ZNF814: variants seen among roughly 807,000 people sequenced by gnomAD.
ZNF814 encodes the protein zinc finger protein 814.
Under a neutral mutation model 7.5 loss-of-function variants are expected in ZNF814, and 5 were observed. The observed-to-expected ratio is 0.67, with a 90% CI of 0.35 to 1.40. ZNF814 has a LOEUF of 1.40. Among genes scored for constraint, ZNF814 ranks in the 40% most tolerant of loss-of-function variants. The pLI is 0.04. For synonymous variants in ZNF814, 315 were observed against 340.7 expected (o/e 0.92, Z 0.83); for missense variants, 962 against 1,018.0 (o/e 0.94, Z 0.75).
At chr19:57,883,807 G>C (rs893371301) in intron 1 of ZNF814, among the ~76,000 whole-genome samples, 1 of 151,776 alleles carries the variant, frequency 6.6e-6, no homozygotes, top group African/African-American at 2.4e-5. Flanking sequence ...GCCCAGGCTG[G>C]AGCGCAATGG....
the ZNF814 span, among the ~76,000 whole-genome samples, chr19:57,903,237 C>CT: frequency 6.6e-6 from 1 of 152,206 alleles, no homozygotes; most frequent in Non-Finnish European, 1.5e-5. Context: ...ATTGGCCTCA[C>CT]TGCAGTTACC....
Position 57,874,764 on chromosome 19 carries a change from C to A in ZNF814, c.626G>T (p.Cys209Phe). ...SKTECVSPIQ[C>F]GGAHYSCGES... is the part of the protein sequence containing the mutation. ...TCCACAGCTGTAGTGAGCTCCCCCA[C>A]ACTGAATGGGAGACACACACTCAGT... Residue 209 changes from cysteine to phenylalanine, a missense_variant, in exon 3 of 3, where the codon TGT becomes TTT. Cys to Phe is a radical substitution (Grantham distance 205). Transcript: ENST00000435989. 5 of 1,613,902 alleles carry A rather than the reference C, an allele frequency of 3.1e-6. No homozygotes were observed. The highest frequency in any genetic ancestry group is 4.2e-6 in the Non-Finnish European group (5 of 1,179,900).
chr19:57,888,905 G>A lies in ZNF814; in HGVS notation c.-103C>T. 2 of 1,315,402 alleles carry A rather than the reference G, an allele frequency of 1.5e-6. No homozygotes were observed. The highest frequency in any genetic ancestry group is 1.1e-6 in the Non-Finnish European group (1 of 939,844). 81.5% of individuals were successfully genotyped at this position (1,315,402 alleles called of 1,614,324 possible). A position where few individuals can be genotyped will look rare whatever the true frequency, so the allele number is the denominator to read the frequency against. ...GGCCCAGGAGTGGGTCACGCTGGGC[G>A]CCGTCACAGAGCTCCAGAGTAGCCT... is the stretch of plus-strand genomic sequence containing the variant. On this transcript the variant is annotated 5_prime_UTR_variant, in exon 1 of 3. Transcript: ENST00000435989.
chr19:57,895,603 CTT>C, the ZNF814 span, among the ~76,000 whole-genome samples: 1 of 152,042 alleles, frequency 6.6e-6, no homozygotes, highest in Non-Finnish European at 1.5e-5. Context: ...TGAGAGGAAA[CTT>C]TAACCCTCTC....
rs2071549211 is a variant in ZNF814 at position 57,870,572 on chromosome 19, T to G, written c.*2250A>C. 6.6e-6 allele frequency: 1 copy of G among 152,220 alleles called. No individual in the cohort carries two copies. The highest frequency in any genetic ancestry group is 1.5e-5 in the Non-Finnish European group (1 of 68,044). 9.4% of individuals were successfully genotyped at this position (152,220 alleles called of 1,614,324 possible). ...GGAATTCACAAAACCTTTAGATTAT[T>G]TCCTCTGACAATGGCCTCAACAATA... On this transcript the variant is annotated 3_prime_UTR_variant, in exon 3 of 3. Transcript: ENST00000435989.
At chr19:57,895,398 C>T in the ZNF814 span, among the ~76,000 whole-genome samples, 1 of 151,742 alleles carries the variant, frequency 6.6e-6, no homozygotes, top group African/African-American at 2.4e-5. Context: ...GCCTCAGCCT[C>T]CCTAGTAGCT....
At chr19:57,895,528 G>A in the ZNF814 span, among the ~76,000 whole-genome samples, 1 of 151,784 alleles carries the variant, frequency 6.6e-6, no homozygotes, top group East Asian at 1.9e-4. Context: ...CGCCCGCCTC[G>A]GCCTCCCAAA....
At chr19:57,903,674 A>G in the ZNF814 span, among the ~76,000 whole-genome samples, 4 of 152,318 alleles carry the variant, frequency 2.6e-5, no homozygotes, top group African/African-American at 7.2e-5. Flanking sequence ...GTCTGCAATC[A>G]ATTCTCTTAA....
chr19:57,896,306 G>C, the ZNF814 span, among the ~76,000 whole-genome samples: 1 of 152,180 alleles, frequency 6.6e-6, no homozygotes, highest in Non-Finnish European at 1.5e-5. This position sits in a 1 kb window ranked among gnomAD's most constrained non-coding sequence, Gnocchi z 4.2. Context: ...AACAGATCAC[G>C]AGACAGATTC....
Position 57,873,804 on chromosome 19 carries a change from A to T in ZNF814, c.1586T>A (p.Phe529Tyr), listed in dbSNP as rs1016826166. Residue 529 changes from phenylalanine (F) to tyrosine (Y), a missense_variant, in exon 3 of 3, where the codon TTT (phenylalanine) becomes TAT (tyrosine). Coordinates refer to ENST00000435989, the MANE Select transcript of ZNF814 (RefSeq NM_001144989.2). ...GTTCCTAAGATGTCCTTTTGAACTA[A>T]ATGATTTCCCACATTCTCCACACTC... Reference protein sequence around the residue: ...PYECGECGKSFSSKGHLRNHQ... With the variant: ...PYECGECGKSYSSKGHLRNHQ... The T allele has an allele frequency of 6.2e-7, 1 of 1,613,938 alleles. No individual in the cohort carries two copies. The highest frequency in any genetic ancestry group is 8.5e-7 in the Non-Finnish European group (1 of 1,180,000).
chr19:57,870,181 AGT>A lies in ZNF814; in HGVS notation c.*2639_*2640del, dbSNP rs978425326. 6.6e-6 allele frequency: 1 copy of A among 152,178 alleles called. No homozygotes were observed. Among genetic ancestry groups the A allele is most frequent in the African/African-American group, 2.4e-5 (1 of 41,430 alleles). The allele number at this position is 152,178 out of a possible 1,614,324, so 9.4% of individuals were successfully genotyped here. A position where few individuals can be genotyped will look rare whatever the true frequency, so the allele number is the denominator to read the frequency against. On this transcript the variant is annotated 3_prime_UTR_variant, in exon 3 of 3. Transcript: ENST00000435989. Reference sequence around the variant, plus strand: ...TGTGAACCCAGGAGGCAGAGCTTGCAGTGAGCCGAGATCGTGCCACTGCACTC... The same window carrying A: ...TGTGAACCCAGGAGGCAGAGCTTGCAGAGCCGAGATCGTGCCACTGCACTC...
chr19:57,876,893 CAG>C, intron 2 of ZNF814, 21 bp downstream of exon 2: 1 of 1,613,716 alleles, frequency 6.2e-7, no homozygotes. Flanking sequence ...GCTCAGGTCA[CAG>C]GGTGAGTGTG....
rs1164391669 is a variant in ZNF814 at position 57,873,984 on chromosome 19, C to T, written c.1406G>A (p.Cys469Tyr). The T allele has an allele frequency of 1.2e-6, 2 of 1,614,114 alleles. No individual in the cohort carries two copies. The highest frequency in any genetic ancestry group is 1.1e-5 in the South Asian group (1 of 91,074). ...GCGCTTATGACTGAAAGATTTCACACATTCTCCACACTTGAAAGGTCTTTC... is the reference window on the plus strand; with the variant it reads ...GCGCTTATGACTGAAAGATTTCACATATTCTCCACACTTGAAAGGTCTTTC... Reference protein sequence around the residue: ...AGERPFKCGECVKSFSHKRSL... With the variant: ...AGERPFKCGEYVKSFSHKRSL... Residue 469 changes from cysteine (C) to tyrosine (Y), a missense_variant, in exon 3 of 3, where the codon TGT (cysteine) becomes TAT (tyrosine). Physicochemically the swap from Cys to Tyr is radical, Grantham distance 194. Coordinates refer to ENST00000435989, the MANE Select transcript of ZNF814 (RefSeq NM_001144989.2).
At chr19:57,898,428 G>A in the ZNF814 span, among the ~76,000 whole-genome samples, 3 of 152,178 alleles carry the variant, frequency 2.0e-5, no homozygotes, top group South Asian at 2.1e-4. Flanking sequence ...CTAAAAGGGC[G>A]AACAGATCGA....
At chr19:57,887,053 G>A (rs777062552) in intron 1 of ZNF814, among the ~76,000 whole-genome samples, 4 of 151,428 alleles carry the variant, frequency 2.6e-5, no homozygotes, top group Non-Finnish European at 4.4e-5. Context: ...GCCGGGTGTG[G>A]TGGCGCATGC....
intron 1 of ZNF814, among the ~76,000 whole-genome samples, chr19:57,887,369 T>C (rs1301302893): frequency 6.6e-6 from 1 of 152,220 alleles, no homozygotes; most frequent in African/African-American, 2.4e-5. Context: ...GACTCTTCCT[T>C]GTAAGACTGC....
upstream of ZNF814, among the ~76,000 whole-genome samples, chr19:57,889,974 G>A (rs2375145): frequency 0.81 from 123,444 of 152,240 alleles, 50,333 homozygotes; most frequent in African/African-American, 0.9. Flanking sequence ...ATTTCTTGGG[G>A]TTATTGGCTG....
At chr19:57,894,735 G>A in the ZNF814 span, among the ~76,000 whole-genome samples, 1 of 151,854 alleles carries the variant, frequency 6.6e-6, no homozygotes, top group Non-Finnish European at 1.5e-5. Flanking sequence ...TTGGGAGGCT[G>A]AGGCAGGAGA....
In ZNF814 at chr19:57,873,752, T is replaced by A. The variant is rs1568517141; in HGVS notation, c.1638A>T (p.Arg546Ser). The change falls in exon 3 of 3, where the codon AGA becomes AGT. Residue 546 changes from arginine to serine, a missense_variant. Physicochemically the swap from Arg to Ser is moderately radical, Grantham distance 110. This residue lies in a region of ZNF814 where 665 missense variants were observed against 551.4 expected (regional missense o/e 1.21). Coordinates refer to ENST00000435989, the MANE Select transcript of ZNF814 (RefSeq NM_001144989.2). ...RNHQQIHTGD[R>S]LYECGECGKS... ...TCCCACACTCTCCACACTCATAAAG[T>A]CTGTCCCCAGTGTGAATTTGCTGAT... 6.2e-7 allele frequency: 1 copy of A among 1,613,694 alleles called. No individual in the cohort carries two copies. The highest frequency in any genetic ancestry group is 8.5e-7 in the Non-Finnish European group (1 of 1,179,866).
Sources: gnomAD v4.1 joint callset for allele counts (sites outside exome capture counted in the v4.1 genomes callset) on GRCh38, gnomAD v4.1.1 for gene constraint, gnomAD v4.1.1 regional missense constraint, Gnocchi (gnomAD v3.1) non-coding constraint, MANE v1.5 for transcripts, NCBI Gene and HGNC (gene_info 2026-07-23, HGNC 2026-07-21) for gene names.